The following SYNPR variants were observed in gnomAD, a reference collection of about 807,000 sequenced individuals.
SYNPR encodes synaptoporin.
SYNPR carries 23 observed loss-of-function variants against 32.9 expected under a neutral mutation model. The observed-to-expected ratio is 0.70, with a 90% CI of 0.50 to 0.99. SYNPR has a LOEUF of 0.99. SYNPR is among the 50% of genes least tolerant of loss of function. The probability of loss-of-function intolerance (pLI) is 0.00; values close to 1 mark genes in which losing one functional copy is unlikely to be tolerated. For missense variants in SYNPR, 318 were observed against 349.3 expected, an observed-to-expected ratio of 0.91 and a Z score of 0.71; for synonymous variants, 146 against 135.9, an observed-to-expected ratio of 1.07 and a Z score of -0.52.
At chr3:63,376,884 T>C (rs144849076) in intron 2 of SYNPR, among the ~76,000 whole-genome samples, 8 of 152,290 alleles carry the variant, frequency 5.3e-5, no homozygotes, top group East Asian at 3.9e-4. Flanking sequence ...ACAAGAACCA[T>C]ACCTGTTTTA....
chr3:63,505,200 C>A (rs895758364), intron 3 of SYNPR, among the ~76,000 whole-genome samples: 1 of 152,036 alleles, frequency 6.6e-6, no homozygotes, highest in Non-Finnish European at 1.5e-5. Context: ...AACCAAGGCC[C>A]AGAAGGTTAA....
At chr3:63,322,552 A>G (rs2087122169) in intron 2 of SYNPR, among the ~76,000 whole-genome samples, 1 of 152,092 alleles carries the variant, frequency 6.6e-6, no homozygotes, top group Non-Finnish European at 1.5e-5. Flanking sequence ...TAAATTAATT[A>G]AAAGTATTTC....
intron 4 of SYNPR, among the ~76,000 whole-genome samples, chr3:63,588,679 C>T (rs1030241652): frequency 8.5e-5 from 13 of 152,070 alleles, no homozygotes; most frequent in African/African-American, 2.9e-4. Context: ...GGAAAGGATG[C>T]TATTTTCTAT....
intron 2 of SYNPR, among the ~76,000 whole-genome samples, chr3:63,303,314 C>T (rs1454403045): frequency 6.9e-6 from 1 of 145,914 alleles, no homozygotes; most frequent in Non-Finnish European, 1.5e-5. Flanking sequence ...GAGCCTGAGT[C>T]TGTTTGTCAG....
intron 2 of SYNPR, among the ~76,000 whole-genome samples, chr3:63,308,125 A>T (rs2086926753): frequency 6.6e-6 from 1 of 152,074 alleles, no homozygotes; most frequent in African/African-American, 2.4e-5. Context: ...TTGGCATTTA[A>T]GTTGAGAGAT....
intron 3 of SYNPR, among the ~76,000 whole-genome samples, chr3:63,524,824 AGTGTGTGTGTGTGTGT>A (rs138062730): frequency 7.7e-6 from 1 of 129,382 alleles, no homozygotes; most frequent in Non-Finnish European, 1.6e-5. Context: ...TCATAATAGA[AGTGTGTGTGTGTGTGT>A]GTGTGTGTGT....
In SYNPR at chr3:63,382,030, T is replaced by A. The variant is rs563574658; in HGVS notation, c.85-98802T>A. ...TTATATCCCCAGTTTATAATTTTTT[T>A]AAACATTTCTTTTAAATACACTTAC... On this transcript the variant is annotated intron_variant, in intron 2 of 5. Coordinates refer to ENST00000478300, the MANE Select transcript of SYNPR (RefSeq NM_001130003.2). 8.5e-5 allele frequency among the ~76,000 whole-genome samples: 13 copies of A among 152,358 alleles called. No homozygotes were observed. In the South Asian group the frequency reaches 2.1e-3, roughly 24 times the overall value.
At chr3:63,559,323 C>T (rs1272028188) in intron 4 of SYNPR, among the ~76,000 whole-genome samples, 2 of 152,168 alleles carry the variant, frequency 1.3e-5, no homozygotes, top group African/African-American at 2.4e-5. Context: ...AGCAATCTAG[C>T]AGCCTTGGCC....
At chr3:63,222,531 T>C in the SYNPR span, among the ~76,000 whole-genome samples, 1 of 152,128 alleles carries the variant, frequency 6.6e-6, no homozygotes, top group Non-Finnish European at 1.5e-5. Context: ...TGTTTGTTTG[T>C]TTTTTGAGAC....
At chr3:63,211,433 G>A in the SYNPR span, among the ~76,000 whole-genome samples, 13 of 152,204 alleles carry the variant, frequency 8.5e-5, no homozygotes, top group Admixed American at 1.3e-4. Flanking sequence ...AGAGCAAGGA[G>A]ATTCAAGTTT....
At chr3:63,451,105 AG>A (rs1351919880) in intron 2 of SYNPR, among the ~76,000 whole-genome samples, 1 of 152,180 alleles carries the variant, frequency 6.6e-6, no homozygotes, top group Non-Finnish European at 1.5e-5. Context: ...GGAAATAATG[AG>A]TACCATTATG....
At chr3:63,292,897 G>T (rs1183604870) in intron 2 of SYNPR, among the ~76,000 whole-genome samples, 1 of 152,172 alleles carries the variant, frequency 6.6e-6, no homozygotes, top group African/African-American at 2.4e-5. Context: ...GGCAGGTGTG[G>T]TTGGCAAGGA....
intron 4 of SYNPR, among the ~76,000 whole-genome samples, chr3:63,577,648 T>A (rs1324698560): frequency 3.9e-5 from 6 of 152,048 alleles, no homozygotes. Flanking sequence ...AGTGGGGGTA[T>A]GTGAATGCTT....
intron 2 of SYNPR, among the ~76,000 whole-genome samples, chr3:63,258,554 T>A (rs1420375574): frequency 3.3e-5 from 5 of 152,180 alleles, no homozygotes; most frequent in African/African-American, 1.2e-4. Context: ...CCAGAATCTC[T>A]GGGGCATATT....
chr3:63,313,001 A>G (rs1371233237), intron 2 of SYNPR, among the ~76,000 whole-genome samples: 1 of 152,006 alleles, frequency 6.6e-6, no homozygotes, highest in Non-Finnish European at 1.5e-5. Flanking sequence ...AACAGAAACT[A>G]TTGGATTCTA....
intron 1 of SYNPR, chr3:63,228,415 T>A (rs2086144677): frequency 6.6e-6 from 1 of 152,218 alleles, no homozygotes; most frequent in Admixed American, 6.5e-5. Flanking sequence ...TAGCAAACAG[T>A]TGAAGCTGCA....
At chr3:63,611,742 T>C (rs180672778) in intron 5 of SYNPR, among the ~76,000 whole-genome samples, 125 of 152,336 alleles carry the variant, frequency 8.2e-4, no homozygotes, top group African/African-American at 2.9e-3. Flanking sequence ...TAAGTTTATA[T>C]GTATTTTTTA....
chr3:63,437,217 A>G (rs9831472), intron 2 of SYNPR, among the ~76,000 whole-genome samples: 18,328 of 152,174 alleles, frequency 0.12, 2,155 homozygotes, highest in African/African-American at 0.31. Context: ...CTCTAGAGAC[A>G]AAATAAAACA....
chr3:63,515,349 T>C (rs1179277819), intron 3 of SYNPR, among the ~76,000 whole-genome samples: 8 of 152,042 alleles, frequency 5.3e-5, no homozygotes, highest in Admixed American at 5.2e-4. Flanking sequence ...GTAATTGTCT[T>C]CCTCCTTTTG....
Sources: gnomAD v4.1 joint callset for allele counts (sites outside exome capture counted in the v4.1 genomes callset) on GRCh38, gnomAD v4.1.1 for gene constraint, MANE v1.5 for transcripts, NCBI Gene and HGNC (gene_info 2026-07-23, HGNC 2026-07-21) for gene names.